TUT4: variants seen among roughly 807,000 people sequenced by gnomAD.
The protein encoded by TUT4 is terminal uridylyltransferase 4.
TUT4 carries 36 observed loss-of-function variants against 192.2 expected under a neutral mutation model. That is an observed-to-expected ratio of 0.19 (90% CI 0.14 to 0.25). The LOEUF is 0.25. Ranked by LOEUF, TUT4 falls within the 10% of genes least tolerant of loss-of-function variation. The pLI is 1.00. For synonymous variants in TUT4, 618 were observed against 666.0 expected, an observed-to-expected ratio of 0.93 and a Z score of 1.11; for missense variants, 1,493 against 1,957.2, an observed-to-expected ratio of 0.76 and a Z score of 4.47.
In TUT4 at chr1:52,442,727, C is replaced by G. The variant is rs61669647; in HGVS notation, c.3822+3060G>C. ...TAATGAAGATAACCTAAATGTCCAT[C>G]AAAAGAAAAGTTAGATAAACTAGTA... On this transcript the variant is annotated intron_variant, in intron 24 of 29. Coordinates refer to ENST00000257177, the MANE Select transcript of TUT4 (RefSeq NM_001009881.3). 8.5e-4 allele frequency among the ~76,000 whole-genome samples: 129 copies of G among 152,112 alleles called. 2 individuals carry two copies. In the East Asian group the frequency reaches 0.022, roughly 26 times the overall value.
intron 9 of TUT4, among the ~76,000 whole-genome samples, chr1:52,486,797 C>T (rs1270172811): frequency 6.6e-6 from 1 of 152,096 alleles, no homozygotes; most frequent in Middle Eastern, 3.2e-3. Context: ...ACTAAAACAC[C>T]ATGAGCAACC....
intron 3 of TUT4, among the ~76,000 whole-genome samples, chr1:52,513,733 G>T (rs1677926362): frequency 6.6e-6 from 1 of 151,882 alleles, no homozygotes; most frequent in African/African-American, 2.4e-5. Context: ...TCACTCCTAT[G>T]TAACTTCCCA....
At chr1:52,519,693 G>A (rs1374950302) in intron 2 of TUT4, among the ~76,000 whole-genome samples, 1 of 151,980 alleles carries the variant, frequency 6.6e-6, no homozygotes, top group Admixed American at 6.6e-5. Flanking sequence ...ATTTTTAGTA[G>A]AGACGGGGTT....
intron 1 of TUT4, among the ~76,000 whole-genome samples, chr1:52,550,974 ATTAC>A (rs561365970): frequency 9.6e-4 from 147 of 152,356 alleles, no homozygotes; most frequent in Middle Eastern, 3.4e-3. Flanking sequence ...AAGAATTCTA[ATTAC>A]TTACTCTAAA....
intron 3 of TUT4, among the ~76,000 whole-genome samples, chr1:52,511,473 G>A (rs1460327060): frequency 2.0e-5 from 3 of 152,158 alleles, no homozygotes; most frequent in African/African-American, 7.2e-5. Flanking sequence ...ATGAATTTAC[G>A]TTACAGTGTA....
At chr1:52,435,339 A>G in intron 27 of TUT4, 26 bp downstream of exon 27, 1 of 1,576,048 alleles carries the variant, frequency 6.3e-7, no homozygotes, top group Non-Finnish European at 8.7e-7. Context: ...AGTCAAGACT[A>G]ACACATTCAC....
chr1:52,531,152 T>A (rs976437450), intron 1 of TUT4, among the ~76,000 whole-genome samples: 1 of 152,184 alleles, frequency 6.6e-6, no homozygotes, highest in African/African-American at 2.4e-5. Flanking sequence ...ATTTTTAGAA[T>A]GTGGTAAATG....
chr1:52,523,251 C>G (rs146929635), intron 2 of TUT4, among the ~76,000 whole-genome samples: 5,000 of 151,398 alleles, frequency 0.033, 129 homozygotes, highest in Middle Eastern at 0.13. Context: ...CCTCGGCGTC[C>G]CAAAGTGCTG....
chr1:52,452,580 G>C (rs890584360), intron 20 of TUT4, among the ~76,000 whole-genome samples: 1 of 152,096 alleles, frequency 6.6e-6, no homozygotes, highest in African/African-American at 2.4e-5. Flanking sequence ...ATGTAATGAA[G>C]CCTCCATAAA....
At chr1:52,472,223 G>C in intron 13 of TUT4, 121 bp from the exon 14 acceptor site, 1 of 978,904 alleles carries the variant, frequency 1.0e-6, no homozygotes, top group Non-Finnish European at 1.4e-6. Context: ...CTTTCAGGAG[G>C]TAATTAAAAA....
chr1:52,463,709 A>G (rs1294356874), intron 16 of TUT4: 1 of 1,304,168 alleles, frequency 7.7e-7, no homozygotes, highest in African/African-American at 1.5e-5. Flanking sequence ...GGCCTGGGAC[A>G]CTTCTTCCCT....
At position 52,545,774 on chromosome 1, in the gene TUT4, G is replaced by A. The variant is rs567753012; in HGVS notation, c.-94+7157C>T. Among the ~76,000 whole-genome samples the A allele has an allele frequency of 3.3e-5, 5 of 151,974 alleles. No homozygotes were observed. The East Asian group carries it at 9.7e-4, about 29-fold the overall frequency. On this transcript the variant is annotated intron_variant, in intron 1 of 29. Transcript: ENST00000257177. ...TACAGCCACTATGGAAAACAATATA[G>A]CAGTTCTTCAAAAAATTAAAAATAT...
chr1:52,424,044 C>A (rs752121299), intron 29 of TUT4, 42 bp from the exon 30 acceptor site: 6 of 1,568,848 alleles, frequency 3.8e-6, no homozygotes, highest in Non-Finnish European at 4.3e-6. Flanking sequence ...AGGCTTGTGC[C>A]TGTTTATCTG....
At chr1:52,535,365 C>T (rs1346976705) in intron 1 of TUT4, among the ~76,000 whole-genome samples, 1 of 152,034 alleles carries the variant, frequency 6.6e-6, no homozygotes, top group African/African-American at 2.4e-5. Flanking sequence ...ATTTTTATTT[C>T]TAAGAACTCT....
chr1:52,461,881 A>G, intron 16 of TUT4, 112 bp from the exon 17 acceptor site: 1 of 650,626 alleles, frequency 1.5e-6, no homozygotes, highest in South Asian at 2.1e-5. Flanking sequence ...AAAGCTCTAT[A>G]ATAACCTTGC....
Position 52,493,597 on chromosome 1 carries a change from G to C in TUT4, c.1318+14C>G. On this transcript the variant is annotated intron_variant, in intron 7 of 29. Coordinates refer to ENST00000257177, the MANE Select transcript of TUT4 (RefSeq NM_001009881.3). ...TTAAAAAAAAAAAAGAAAAGAAAAAGAAAAGAAACTCACCATTTTTCTTTA... is the reference window on the plus strand; with the variant it reads ...TTAAAAAAAAAAAAGAAAAGAAAAACAAAAGAAACTCACCATTTTTCTTTA... 3 of 1,401,266 alleles carry C rather than the reference G, an allele frequency of 2.1e-6. No homozygotes were observed. Among genetic ancestry groups the C allele is most frequent in the Non-Finnish European group, 2.9e-6 (3 of 1,030,510 alleles). 86.8% of individuals were successfully genotyped at this position (1,401,266 alleles called of 1,614,324 possible).
chr1:52,468,127 C>A (rs1664745306), intron 15 of TUT4, 54 bp downstream of exon 15: 1 of 1,311,544 alleles, frequency 7.6e-7, no homozygotes, highest in African/African-American at 1.5e-5. Flanking sequence ...AAATGAAACT[C>A]AAGACTACAT....
intron 4 of TUT4, among the ~76,000 whole-genome samples, chr1:52,502,632 T>TTTTTTA: frequency 6.8e-6 from 1 of 146,438 alleles, no homozygotes; most frequent in African/African-American, 2.6e-5. Context: ...TTTTTTTTTT[T>TTTTTTA]GAGATGGGAT....
chr1:52,473,866 A>G (rs1030426899), intron 13 of TUT4, among the ~76,000 whole-genome samples: 1 of 152,134 alleles, frequency 6.6e-6, no homozygotes, highest in Admixed American at 6.5e-5. Context: ...TTCCTGTTCA[A>G]TGGGTTTTTT....
Sources: allele counts gnomAD v4.1 joint callset (sites outside exome capture counted in the v4.1 genomes callset), GRCh38; gene constraint gnomAD v4.1.1; transcripts MANE v1.5; gene names NCBI Gene and HGNC (gene_info 2026-07-23, HGNC 2026-07-21).